Variants in EPHB1 observed in about 807,000 individuals in gnomAD.
EPHB1 encodes EPH receptor B1, also known as ephrin type-B receptor 1.
EPHB1 carries 30 observed loss-of-function variants against 94.4 expected under a neutral mutation model. The ratio of observed to expected loss-of-function variants is 0.32; its 90% CI spans 0.24 to 0.43. EPHB1 has a LOEUF of 0.43. Among genes scored for constraint, EPHB1 ranks in the 20% least tolerant of loss-of-function variants. EPHB1 has a pLI of 1.00. For missense variants in EPHB1, 1,055 were observed against 1,308.3 expected, an observed-to-expected ratio of 0.81 and a Z score of 2.99; for synonymous variants, 522 against 489.1, an observed-to-expected ratio of 1.07 and a Z score of -0.89.
intron 2 of EPHB1, among the ~76,000 whole-genome samples, chr3:134,936,204 T>A (rs964441411): frequency 5.3e-5 from 8 of 152,130 alleles, no homozygotes; most frequent in African/African-American, 1.9e-4. Context: ...CTTTTTAAAG[T>A]AACAAACCAG....
intron 3 of EPHB1, among the ~76,000 whole-genome samples, chr3:135,044,940 G>T (rs1174296828): frequency 6.6e-6 from 1 of 151,970 alleles, no homozygotes; most frequent in Non-Finnish European, 1.5e-5. Flanking sequence ...ATGTTTTCAG[G>T]CATCTCAGAA....
intron 1 of EPHB1, among the ~76,000 whole-genome samples, chr3:134,855,585 G>T (rs1382004979): frequency 6.6e-6 from 1 of 152,182 alleles, no homozygotes; most frequent in African/African-American, 2.4e-5. Flanking sequence ...TAGCAAGATG[G>T]CTCCTGGTGC....
In EPHB1 at chr3:135,176,039, CT is replaced by C. The variant is rs71624062; in HGVS notation, c.1760-3813del. Among the ~76,000 whole-genome samples the C allele has an allele frequency of 6.6e-5, 10 of 151,906 alleles. No individual in the cohort carries two copies. The East Asian group carries it at 1.2e-3, about 18-fold the overall frequency. On this transcript the variant is annotated intron_variant, in intron 9 of 15. Transcript: ENST00000398015. Reference sequence around the variant, plus strand: ...ATGACCTGTTCTGCCTAGCTAAAGGCTTTTTTTTCCCCTCATCATCTTCTAA... The same window carrying C: ...ATGACCTGTTCTGCCTAGCTAAAGGCTTTTTTTCCCCTCATCATCTTCTAA...
At position 134,812,333 on chromosome 3, in the gene EPHB1, G is replaced by A. The variant is rs553416475; in HGVS notation, c.58+16644G>A. Among the ~76,000 whole-genome samples the A allele has an allele frequency of 1.1e-4, 16 of 152,188 alleles. No homozygotes were observed. In the South Asian group the frequency reaches 3.3e-3, roughly 32 times the overall value. On this transcript the variant is annotated intron_variant, in intron 1 of 15. Coordinates refer to ENST00000398015, the MANE Select transcript of EPHB1 (RefSeq NM_004441.5). ...ATAAAATTTCTGGTTCTATTGTTTT[G>A]CTTTTCTAAAAGCTCATAGAAATGG...
At chr3:135,217,424 C>CCACACACAAACACACACACACA (rs1943172935) in intron 12 of EPHB1, among the ~76,000 whole-genome samples, 1 of 143,400 alleles carries the variant, frequency 7.0e-6, no homozygotes, top group African/African-American at 2.6e-5. Flanking sequence ...CCCATCAGTA[C>CCACACACAAACACACACACACA]CACACACACA....
At chr3:135,165,461 A>G (rs1397447965) in intron 7 of EPHB1, among the ~76,000 whole-genome samples, 1 of 152,224 alleles carries the variant, frequency 6.6e-6, no homozygotes, top group Non-Finnish European at 1.5e-5. Flanking sequence ...GTGCTGGGCC[A>G]TTCATTTCTC....
intron 7 of EPHB1, among the ~76,000 whole-genome samples, chr3:135,162,807 G>C (rs150656002): frequency 5.3e-5 from 8 of 152,224 alleles, no homozygotes; most frequent in Non-Finnish European, 8.8e-5. Flanking sequence ...ACTCCTCTGA[G>C]ACCACCCCCA....
intron 1 of EPHB1, among the ~76,000 whole-genome samples, chr3:134,805,878 C>G (rs772075154): frequency 1.3e-5 from 2 of 152,180 alleles, no homozygotes; most frequent in African/African-American, 4.8e-5. Context: ...CTGCTTCCCT[C>G]TATGGGATCA....
chr3:135,121,672 C>A (rs1173615138), intron 4 of EPHB1, among the ~76,000 whole-genome samples: 1 of 152,066 alleles, frequency 6.6e-6, no homozygotes, highest in Non-Finnish European at 1.5e-5. Flanking sequence ...GTGAGCAGGG[C>A]TTGGCACAAG....
chr3:135,185,487 C>A (rs1942304755), intron 10 of EPHB1, among the ~76,000 whole-genome samples: 1 of 152,230 alleles, frequency 6.6e-6, no homozygotes, highest in African/African-American at 2.4e-5. Flanking sequence ...TACTCTACAT[C>A]TTTCACAAGC....
chr3:134,930,722 C>T (rs1202407666), intron 2 of EPHB1, among the ~76,000 whole-genome samples: 1 of 152,242 alleles, frequency 6.6e-6, no homozygotes, highest in Non-Finnish European at 1.5e-5. Context: ...CCTCCCTACT[C>T]TGTTCCTTCT....
chr3:135,212,397 G>T (rs1437849740), intron 12 of EPHB1, among the ~76,000 whole-genome samples: 1 of 152,048 alleles, frequency 6.6e-6, no homozygotes, highest in African/African-American at 2.4e-5. Flanking sequence ...TGAACGTTAT[G>T]ATGTGGTGAT....
intron 3 of EPHB1, among the ~76,000 whole-genome samples, chr3:135,041,420 T>A (rs1443563088): frequency 1.3e-5 from 2 of 152,108 alleles, no homozygotes; most frequent in Non-Finnish European, 2.9e-5. Flanking sequence ...AGATACCTCC[T>A]CACATGGAGT....
intron 13 of EPHB1, among the ~76,000 whole-genome samples, chr3:135,247,378 TG>T (rs1382037832): frequency 3.3e-5 from 5 of 152,256 alleles, no homozygotes; most frequent in African/African-American, 1.2e-4. Flanking sequence ...GATGGATTTT[TG>T]TAGTATTACT....
chr3:135,085,999 G>A (rs972801214), intron 3 of EPHB1, among the ~76,000 whole-genome samples: 10 of 152,142 alleles, frequency 6.6e-5, no homozygotes, highest in African/African-American at 2.4e-4. Context: ...CAGGAGAAAG[G>A]CGTCAGTGTG....
chr3:134,906,488 C>T (rs571753347), intron 1 of EPHB1, among the ~76,000 whole-genome samples: 14 of 152,124 alleles, frequency 9.2e-5, no homozygotes, highest in African/African-American at 2.7e-4. Flanking sequence ...AGTGATCAAA[C>T]GTGAAAAGAC....
chr3:135,119,823 G>T (rs1939877131), intron 4 of EPHB1, among the ~76,000 whole-genome samples: 1 of 151,918 alleles, frequency 6.6e-6, no homozygotes, highest in South Asian at 2.1e-4. Context: ...ACTTTATTTT[G>T]CATAGGATGT....
rs112920482 is a variant in EPHB1, at chr3:135,106,200, G to A, written c.806-248G>A. Among the ~76,000 whole-genome samples, 654 of 152,278 alleles carry A rather than the reference G, an allele frequency of 4.3e-3. 2 individuals are homozygous for A. Among genetic ancestry groups the A allele is most frequent in the Middle Eastern group, 0.034 (10 of 294 alleles). On this transcript the variant is annotated intron_variant, in intron 3 of 15. Coordinates refer to ENST00000398015, the MANE Select transcript of EPHB1 (RefSeq NM_004441.5). ...ATTAAATCTCTTGACACACCTGGAA[G>A]GGAAGAATTATTATCCATTTTGTTC...
intron 3 of EPHB1, among the ~76,000 whole-genome samples, chr3:135,091,050 C>T (rs1487015199): frequency 6.6e-6 from 1 of 152,204 alleles, no homozygotes; most frequent in African/African-American, 2.4e-5. Flanking sequence ...CAGCACTTGA[C>T]CTTCTCTTGA....
Sources: gnomAD v4.1 joint callset for allele counts (sites outside exome capture counted in the v4.1 genomes callset) on GRCh38, gnomAD v4.1.1 for gene constraint, MANE v1.5 for transcripts, NCBI Gene and HGNC (gene_info 2026-07-23, HGNC 2026-07-21) for gene names.